The following TRIM26 variants were observed in gnomAD, a reference collection of about 807,000 sequenced individuals.
TRIM26 encodes tripartite motif-containing protein 26.
TRIM26 carries 16 observed loss-of-function variants against 45.5 expected under a neutral mutation model. The observed-to-expected ratio is 0.35, with a 90% CI of 0.24 to 0.53. The LOEUF is 0.53. Ranked by LOEUF, TRIM26 falls within the 20% of genes least tolerant of loss-of-function variation. TRIM26 has a pLI of 0.92. For synonymous variants in TRIM26, 273 were observed against 290.4 expected (o/e 0.94, Z 0.61); for missense variants, 442 against 691.1 (o/e 0.64, Z 4.04).
At position 30,185,600 on chromosome 6, in the gene TRIM26, G is replaced by A. The variant is rs564010421; in HGVS notation, c.*276C>T. On this transcript the variant is annotated 3_prime_UTR_variant, in exon 10 of 10. Coordinates refer to ENST00000454678, the MANE Select transcript of TRIM26 (RefSeq NM_003449.5). This position sits in a 1 kb window ranked among gnomAD's most constrained non-coding sequence, Gnocchi z 5.7. ...AGTGCAGAGCTGGGGCCAAGGTCGT[G>A]GTCAAAAAGGAAAGGAGCCCTCATG... 1.9e-4 allele frequency: 95 copies of A among 509,874 alleles called. No homozygotes were observed. The East Asian group carries it at 3.0e-3, about 16-fold the overall frequency. The allele number at this position is 509,874 out of a possible 1,614,324, so 31.6% of individuals were successfully genotyped here.
chr6:30,200,391 CATTTCCCTTTGTGAGT>C (rs1317343293), intron 3 of TRIM26, among the ~76,000 whole-genome samples: 5 of 152,254 alleles, frequency 3.3e-5, no homozygotes, highest in Non-Finnish European at 5.9e-5. Flanking sequence ...TGACTGTCAG[CATTTCCCTTTGTGAGT>C]ATTTCCCTGG....
In TRIM26 at chr6:30,186,758, A is replaced by G; in HGVS notation, c.938-200T>C. The G allele has an allele frequency of 1.0e-6, 1 of 1,002,540 alleles. No individual in the cohort carries two copies. Among genetic ancestry groups the G allele is most frequent in the African/African-American group, 1.6e-5 (1 of 61,710 alleles). The allele number at this position is 1,002,540 out of a possible 1,614,324, so 62.1% of individuals were successfully genotyped here. ...TGTATTCTGCTAAATCACCATAACT[A>G]AACTGCTTTATAAACATGATATACT... On this transcript the variant is annotated intron_variant, in intron 9 of 9. Transcript: ENST00000454678. The surrounding 1 kb of genome is among the most constrained non-coding windows in gnomAD (Gnocchi z 7.4).
intron 1 of TRIM26, among the ~76,000 whole-genome samples, chr6:30,206,152 A>G (rs1440910750): frequency 6.6e-6 from 1 of 152,242 alleles, no homozygotes; most frequent in Non-Finnish European, 1.5e-5. Context: ...TCCATGGGGT[A>G]AACTTCCGTG....
rs1346367138 is a variant in TRIM26 at position 30,185,869 on chromosome 6, T to A, written c.*7A>T. ...TGAGGGTTGGGGCTGGGGGCAGATG[T>A]CAGGGCTCAGGGTCTTAGCAGGAGG... On this transcript the variant is annotated 3_prime_UTR_variant, in exon 10 of 10. Coordinates refer to ENST00000454678, the MANE Select transcript of TRIM26 (RefSeq NM_003449.5). This position sits in a 1 kb window ranked among gnomAD's most constrained non-coding sequence, Gnocchi z 5.7. The A allele has an allele frequency of 6.2e-7, 1 of 1,604,992 alleles. No homozygotes were observed.
chr6:30,195,107 G>C (rs183223217), intron 6 of TRIM26, among the ~76,000 whole-genome samples: 5 of 152,076 alleles, frequency 3.3e-5, no homozygotes, highest in African/African-American at 9.6e-5. Context: ...AGTCATTGAG[G>C]GCCAGGCTTC....
rs1456391320 is a variant in TRIM26 at position 30,189,138 on chromosome 6, C to G, written c.937+29G>C. ...GGCGGAGTTTTCTATATTTGATGTA[C>G]ATCTGGGAAACACCCTCTAGACACT... On this transcript the variant is annotated intron_variant, in intron 9 of 9. Coordinates refer to ENST00000454678, the MANE Select transcript of TRIM26 (RefSeq NM_003449.5). The surrounding 1 kb of genome is among the most constrained non-coding windows in gnomAD (Gnocchi z 5.0). The G allele has an allele frequency of 1.2e-6, 2 of 1,606,490 alleles. No homozygotes were observed. The highest frequency in any genetic ancestry group is 1.7e-6 in the Non-Finnish European group (2 of 1,177,842).
intron 6 of TRIM26, among the ~76,000 whole-genome samples, chr6:30,193,689 T>C (rs1776182295): frequency 6.6e-6 from 1 of 152,240 alleles, no homozygotes; most frequent in Non-Finnish European, 1.5e-5. Flanking sequence ...ACAATATTAA[T>C]TCTAATCCAC....
rs758990727 is a variant in TRIM26 at position 30,185,861 on chromosome 6, G to A, written c.*15C>T. On this transcript the variant is annotated 3_prime_UTR_variant, in exon 10 of 10. Coordinates refer to ENST00000454678, the MANE Select transcript of TRIM26 (RefSeq NM_003449.5). The surrounding 1 kb of genome is among the most constrained non-coding windows in gnomAD (Gnocchi z 5.7). ...GAAGCATCTGAGGGTTGGGGCTGGG[G>A]GCAGATGTCAGGGCTCAGGGTCTTA... 6.2e-7 allele frequency: 1 copy of A among 1,600,776 alleles called. No individual in the cohort carries two copies. Among genetic ancestry groups the A allele is most frequent in the African/African-American group, 1.3e-5 (1 of 74,694 alleles).
In TRIM26 at chr6:30,198,871, A is replaced by C. The variant is rs1776789701; in HGVS notation, c.233T>G (p.Ile78Ser). 1.9e-6 allele frequency: 3 copies of C among 1,612,436 alleles called. No individual in the cohort carries two copies. In the South Asian group the frequency reaches 3.3e-5, roughly 18 times the overall value. Residue 78 changes from isoleucine to serine, a missense_variant, in exon 4 of 10, where the codon ATT becomes AGT. Physicochemically the swap from Ile to Ser is moderately radical, Grantham distance 142 (BLOSUM62 -2). Transcript: ENST00000454678. The surrounding 1 kb of genome is among the most constrained non-coding windows in gnomAD (Gnocchi z 6.3). Reference sequence around the variant, plus strand: ...GCCCTTGTCCACCTTCAGCCGCTCAATGTTCTCCACCAGGCTGGCCAGTTG... The same window carrying C: ...GCCCTTGTCCACCTTCAGCCGCTCACTGTTCTCCACCAGGCTGGCCAGTTG... Reference protein sequence around the residue: ...VWQLASLVENIERLKVDKGRQ... With the variant: ...VWQLASLVENSERLKVDKGRQ...
rs1009174068 is a variant in TRIM26, at chr6:30,198,574, G to A, written c.439-50C>T. 1.6e-5 allele frequency: 25 copies of A among 1,612,082 alleles called. No individual in the cohort carries two copies. Among genetic ancestry groups the A allele is most frequent in the Non-Finnish European group, 1.9e-5 (22 of 1,179,458 alleles). On this transcript the variant is annotated intron_variant, in intron 4 of 9. Coordinates refer to ENST00000454678, the MANE Select transcript of TRIM26 (RefSeq NM_003449.5). This position sits in a 1 kb window ranked among gnomAD's most constrained non-coding sequence, Gnocchi z 6.3. Reference sequence around the variant, plus strand: ...CAGGTGGATGCTCTGGGCTGGGGCAGGAAGGGAGACTCAGGCTGAGTCCTC... The same window carrying A: ...CAGGTGGATGCTCTGGGCTGGGGCAAGAAGGGAGACTCAGGCTGAGTCCTC...
At position 30,189,323 on chromosome 6, in the gene TRIM26, A is replaced by T; in HGVS notation, c.904+95T>A. The T allele has an allele frequency of 6.4e-7, 1 of 1,562,232 alleles. No individual in the cohort carries two copies. Among genetic ancestry groups the T allele is most frequent in the African/African-American group, 1.4e-5 (1 of 73,924 alleles). On this transcript the variant is annotated intron_variant, in intron 8 of 9. Coordinates refer to ENST00000454678, the MANE Select transcript of TRIM26 (RefSeq NM_003449.5). This position sits in a 1 kb window ranked among gnomAD's most constrained non-coding sequence, Gnocchi z 5.0. ...AAGACAAGAGGCCCTCAGAAGAGTG[A>T]GGATCGACAAGGTGATGGAAAGGAG...
chr6:30,211,161 C>T (rs989412281), intron 1 of TRIM26, among the ~76,000 whole-genome samples: 2 of 152,082 alleles, frequency 1.3e-5, no homozygotes, highest in Non-Finnish European at 2.9e-5. Context: ...TACACACCCC[C>T]CTTTCCCACA....
In TRIM26 at chr6:30,189,313, C is replaced by G. The variant is rs774963611; in HGVS notation, c.904+105G>C. 2 of 1,573,196 alleles carry G rather than the reference C, an allele frequency of 1.3e-6. No individual in the cohort carries two copies. Among genetic ancestry groups the G allele is most frequent in the African/African-American group, 2.7e-5 (2 of 74,052 alleles). On this transcript the variant is annotated intron_variant, in intron 8 of 9. Coordinates refer to ENST00000454678, the MANE Select transcript of TRIM26 (RefSeq NM_003449.5). The surrounding 1 kb of genome is among the most constrained non-coding windows in gnomAD (Gnocchi z 5.0). ...ATCCATGTCTAAGACAAGAGGCCCT[C>G]AGAAGAGTGAGGATCGACAAGGTGA... is the stretch of plus-strand genomic sequence containing the variant.
chr6:30,203,175 C>T (rs1341193755), intron 2 of TRIM26, among the ~76,000 whole-genome samples: 1 of 151,184 alleles, frequency 6.6e-6, no homozygotes, highest in Non-Finnish European at 1.5e-5. Context: ...TCCCGAGTTG[C>T]TGCAACAACA....
At chr6:30,195,740 C>A (rs1776393278) in intron 6 of TRIM26, among the ~76,000 whole-genome samples, 2 of 152,184 alleles carry the variant, frequency 1.3e-5, no homozygotes, top group Admixed American at 1.3e-4. Context: ...GACCCAGCCA[C>A]CCTAAACAGT....
rs1283523481 is a variant in TRIM26, at chr6:30,196,774, C to A, written c.535-28G>T. ...GCAGGGGGCAGGAAGGGGAGAAGGG[C>A]TGACACCTCTGCTCAGGGTGGAGGG... On this transcript the variant is annotated intron_variant, in intron 5 of 9. Coordinates refer to ENST00000454678, the MANE Select transcript of TRIM26 (RefSeq NM_003449.5). The surrounding 1 kb of genome is among the most constrained non-coding windows in gnomAD (Gnocchi z 4.9). 1 of 1,611,008 alleles carries A rather than the reference C, an allele frequency of 6.2e-7. No homozygotes were observed. Among genetic ancestry groups the A allele is most frequent in the South Asian group, 1.1e-5 (1 of 90,994 alleles).
intron 1 of TRIM26, among the ~76,000 whole-genome samples, chr6:30,208,515 C>CT (rs35809533): frequency 0.041 from 5,215 of 128,154 alleles, 274 homozygotes; most frequent in South Asian, 0.12. Flanking sequence ...AATTTTTTTC[C>CT]TTTTTTTTTT....
Position 30,186,202 on chromosome 6 carries a change from C to T in TRIM26, c.1294G>A (p.Glu432Lys). ...CCCACCATGCAGCTTTCCAGAACTT[C>T]CTCCTCTTCCTCCTCCTCTTCTTCC... ...EEEEEEEEEEEVLESCMVGVA... is the reference protein window; with the variant it reads ...EEEEEEEEEEKVLESCMVGVA... The change falls in exon 10 of 10, where the codon GAA (glutamate) becomes AAA (lysine). Residue 432 changes from glutamate to lysine, a missense_variant. Coordinates refer to ENST00000454678, the MANE Select transcript of TRIM26 (RefSeq NM_003449.5). The surrounding 1 kb of genome is among the most constrained non-coding windows in gnomAD (Gnocchi z 7.4). The T allele has an allele frequency of 6.3e-7, 1 of 1,594,708 alleles. No homozygotes were observed. The highest frequency in any genetic ancestry group is 8.5e-7 in the Non-Finnish European group (1 of 1,169,986).
At chr6:30,204,794 C>CAA (rs9278611) in intron 1 of TRIM26, 29 bp from the exon 2 acceptor site, 4 of 143,010 alleles carry the variant, frequency 2.8e-5, no homozygotes, top group Non-Finnish European at 6.1e-5. Context: ...AAATCAGAGC[C>CAA]AAAAAAAAAA....
Sources: gnomAD v4.1 joint callset for allele counts (sites outside exome capture counted in the v4.1 genomes callset) on GRCh38, gnomAD v4.1.1 for gene constraint, Gnocchi (gnomAD v3.1) non-coding constraint, MANE v1.5 for transcripts, NCBI Gene and HGNC (gene_info 2026-07-23, HGNC 2026-07-21) for gene names.